Variants in PCDH15 observed in about 807,000 individuals in gnomAD.
PCDH15 encodes the protein protocadherin-15.
Under a neutral mutation model 178.5 loss-of-function variants are expected in PCDH15, and 129 were observed. The observed-to-expected ratio is 0.72, with a 90% CI of 0.63 to 0.84. PCDH15 has a LOEUF of 0.84. Ranked by LOEUF, PCDH15 falls within the 40% of genes least tolerant of loss-of-function variation. The pLI is 0.00. For synonymous variants in PCDH15, 800 were observed against 732.0 expected (o/e 1.09, Z -1.50); for missense variants, 2,230 against 2,099.9 (o/e 1.06, Z -1.21).
At chr10:55,173,629 G>C (rs1237149204) in intron 1 of PCDH15, among the ~76,000 whole-genome samples, 1 of 151,688 alleles carries the variant, frequency 6.6e-6, no homozygotes, top group African/African-American at 2.4e-5. Flanking sequence ...TAACTTTTTA[G>C]CATATAAAAA....
chr10:55,501,911 A>C (rs1050862120), intron 2 of PCDH15, among the ~76,000 whole-genome samples: 2 of 151,734 alleles, frequency 1.3e-5, no homozygotes, highest in Non-Finnish European at 2.9e-5. Context: ...TAATGAAAAA[A>C]CAATCTTTTA....
At position 54,288,337 on chromosome 10, in the gene PCDH15, A is replaced by AAG. The variant is rs531923805; in HGVS notation, c.876+28932_876+28933dup. ...TCCATCTCTAAATAAATACATAAAT[A>AAG]AGAGAGAGAGAGAGGAGAGAGAAAC... On this transcript the variant is annotated intron_variant, in intron 8 of 37. Coordinates refer to ENST00000644397, the MANE Select transcript of PCDH15 (RefSeq NM_001384140.1). Among the ~76,000 whole-genome samples, 830 of 151,376 alleles carry AAG rather than the reference A, an allele frequency of 5.5e-3. 4 individuals are homozygous for AAG. Among genetic ancestry groups the AAG allele is most frequent in the Middle Eastern group, 0.021 (6 of 292 alleles).
intron 2 of PCDH15, among the ~76,000 whole-genome samples, chr10:55,098,099 T>A (rs985550574): frequency 1.3e-5 from 2 of 152,186 alleles, no homozygotes; most frequent in Non-Finnish European, 2.9e-5. Context: ...TTGATTATAC[T>A]GATATCATTT....
chr10:54,463,031 C>T (rs778376038), intron 3 of PCDH15, among the ~76,000 whole-genome samples: 2 of 152,004 alleles, frequency 1.3e-5, no homozygotes, highest in Non-Finnish European at 2.9e-5. Context: ...TGGGTATTAA[C>T]GTAAAAACTT....
Position 55,101,808 on chromosome 10 carries a change from A to G in PCDH15, c.-80+64768T>C, listed in dbSNP as rs542211025. ...CAGTTTCTTCCACTGACTACCAGAA[A>G]GAACAATTTTAAAAACTAAGTGCAT... On this transcript the variant is annotated intron_variant, in intron 2 of 5. Coordinates refer to the PCDH15 transcript ENST00000458638. Among the ~76,000 whole-genome samples, 27 of 151,760 alleles carry G rather than the reference A, an allele frequency of 1.8e-4. No homozygotes were observed. In the Middle Eastern group the frequency reaches 0.018, roughly 100 times the overall value.
chr10:54,693,374 G>A (rs1463999659), intron 1 of PCDH15, among the ~76,000 whole-genome samples: 1 of 152,064 alleles, frequency 6.6e-6, no homozygotes, highest in Non-Finnish European at 1.5e-5. Context: ...ACAACACCAT[G>A]TGTTAGTTAA....
chr10:54,668,414 C>T (rs964154749), intron 1 of PCDH15, among the ~76,000 whole-genome samples: 2 of 152,062 alleles, frequency 1.3e-5, no homozygotes, highest in African/African-American at 2.4e-5. Context: ...AAATGCTATC[C>T]GATAAAATAA....
intron 2 of PCDH15, among the ~76,000 whole-genome samples, chr10:55,354,984 T>C: frequency 6.6e-6 from 1 of 152,188 alleles, no homozygotes; most frequent in Admixed American, 6.6e-5. Context: ...GATAATGTCA[T>C]TTAAATGTAA....
At chr10:55,242,997 T>C (rs1841593165) in intron 1 of PCDH15, among the ~76,000 whole-genome samples, 1 of 152,180 alleles carries the variant, frequency 6.6e-6, no homozygotes, top group African/African-American at 2.4e-5. Flanking sequence ...TTAACAGATA[T>C]TTTTTCTAGA....
chr10:54,142,964 T>C (rs2043547634), intron 14 of PCDH15, among the ~76,000 whole-genome samples: 1 of 152,180 alleles, frequency 6.6e-6, no homozygotes, highest in Non-Finnish European at 1.5e-5. Context: ...TGACCTGTGA[T>C]CCTATTTTGT....
At chr10:54,380,151 T>C (rs2135059969) in intron 3 of PCDH15, among the ~76,000 whole-genome samples, 1 of 152,184 alleles carries the variant, frequency 6.6e-6, no homozygotes, top group African/African-American at 2.4e-5. Context: ...GCCTAAGAAA[T>C]GCTGGAAAGA....
intron 21 of PCDH15, among the ~76,000 whole-genome samples, chr10:53,964,681 T>A (rs2088802148): frequency 6.6e-6 from 1 of 152,074 alleles, no homozygotes; most frequent in South Asian, 2.1e-4. Flanking sequence ...AGTTCTGGGA[T>A]AATATTTTTA....
chr10:54,992,810 G>A (rs72800067), intron 2 of PCDH15, among the ~76,000 whole-genome samples: 12,796 of 151,754 alleles, frequency 0.084, 749 homozygotes, highest in Admixed American at 0.16. Context: ...ATAATAGATG[G>A]AGAGATTTCC....
At chr10:54,007,952 G>A (rs2092440548) in intron 20 of PCDH15, among the ~76,000 whole-genome samples, 1 of 152,006 alleles carries the variant, frequency 6.6e-6, no homozygotes, top group Non-Finnish European at 1.5e-5. Flanking sequence ...AGCTGGTAAA[G>A]ACTACATTTG....
At chr10:55,160,212 T>C (rs1159708781) in intron 2 of PCDH15, among the ~76,000 whole-genome samples, 1 of 152,024 alleles carries the variant, frequency 6.6e-6, no homozygotes, top group Non-Finnish European at 1.5e-5. Context: ...AGATTTTACT[T>C]TTTTCTTGCT....
At position 54,275,399 on chromosome 10, in the gene PCDH15, G is replaced by A. The variant is rs138317243; in HGVS notation, c.877-38468C>T. 2.3e-3 allele frequency among the ~76,000 whole-genome samples: 356 copies of A among 151,808 alleles called. 1 individual carries two copies. The highest frequency in any genetic ancestry group is 8.3e-3 in the African/African-American group (343 of 41,442). ...CACAGAGAGCACTTGACTTGCCTAA[G>A]GTAAAAGTTAAAAGGCGGCAGATGT... On this transcript the variant is annotated intron_variant, in intron 8 of 37. Transcript: ENST00000644397.
chr10:53,933,106 A>G (rs2085226141), intron 25 of PCDH15, among the ~76,000 whole-genome samples: 1 of 152,140 alleles, frequency 6.6e-6, no homozygotes, highest in South Asian at 2.1e-4. Context: ...AAGAGATTAC[A>G]GAACCATGAG....
intron 2 of PCDH15, among the ~76,000 whole-genome samples, chr10:54,609,840 G>A (rs2092903091): frequency 6.6e-6 from 1 of 151,990 alleles, no homozygotes; most frequent in Non-Finnish European, 1.5e-5. Flanking sequence ...TAGAGGAAAT[G>A]TATGTGAAGG....
At chr10:54,644,423 A>G (rs2094074214) in intron 2 of PCDH15, among the ~76,000 whole-genome samples, 1 of 151,710 alleles carries the variant, frequency 6.6e-6, no homozygotes, top group South Asian at 2.1e-4. Flanking sequence ...TGACTGTATA[A>G]AAGTATGTTA....
Sources: allele counts gnomAD v4.1 joint callset (sites outside exome capture counted in the v4.1 genomes callset), GRCh38; gene constraint gnomAD v4.1.1; transcripts MANE v1.5; gene names NCBI Gene and HGNC (gene_info 2026-07-23, HGNC 2026-07-21).